CCSER2: variants seen among roughly 807,000 people sequenced by gnomAD.
The protein encoded by CCSER2 is serine-rich coiled-coil domain-containing protein 2.
In CCSER2, 46 loss-of-function variants were observed where a neutral mutation model predicts 92.3. The observed-to-expected ratio is 0.50, with a 90% CI of 0.39 to 0.64. The LOEUF (loss-of-function observed/expected upper bound fraction) is 0.64. CCSER2 is among the 30% of genes least tolerant of loss of function. CCSER2 has a pLI of 0.00. For synonymous variants in CCSER2, 433 were observed against 431.4 expected (o/e 1.00, Z -0.04); for missense variants, 1,244 against 1,238.9 (o/e 1.00, Z -0.06).
chr10:84,384,578 A>G (rs1481212749), intron 3 of CCSER2, among the ~76,000 whole-genome samples: 1 of 152,248 alleles, frequency 6.6e-6, no homozygotes, highest in Non-Finnish European at 1.5e-5. Context: ...GCATCCCTTC[A>G]TGATAAAAAC....
intron 3 of CCSER2, 86 bp downstream of exon 3, chr10:84,373,901 T>G (rs752794852): frequency 3.2e-6 from 5 of 1,566,216 alleles, no homozygotes; most frequent in Non-Finnish European, 3.5e-6. Context: ...GTAAAAAATT[T>G]ATGAATTAAC....
rs1554828778 is a variant in CCSER2 at position 84,332,412 on chromosome 10, T to TTATATA, written c.-40+3624_-40+3629dup. Among the ~76,000 whole-genome samples the TTATATA allele has an allele frequency of 9.1e-4, 75 of 82,260 alleles. 2 individuals carry two copies. The highest frequency in any genetic ancestry group is 2.5e-3 in the Admixed American group (13 of 5,172). The allele number at this position is 82,260 out of a possible 152,430, so 54.0% of individuals were successfully genotyped here. ...ATTTTATATTATTAAATTTATTTTTTTATATATATATATATATATATATAT... is the reference window on the plus strand; with the variant it reads ...ATTTTATATTATTAAATTTATTTTTTTATATATATATATATATATATATATATATAT... On this transcript the variant is annotated intron_variant, in intron 1 of 9. Coordinates refer to ENST00000372088, the MANE Select transcript of CCSER2 (RefSeq NM_001284240.2).
intron 3 of CCSER2, among the ~76,000 whole-genome samples, chr10:84,398,650 A>G (rs974388598): frequency 6.6e-6 from 1 of 152,180 alleles, no homozygotes; most frequent in African/African-American, 2.4e-5. Flanking sequence ...GGTTTGTTCC[A>G]GGGAAGGATA....
intron 9 of CCSER2, among the ~76,000 whole-genome samples, chr10:84,498,039 T>C (rs903832012): frequency 6.6e-6 from 1 of 152,176 alleles, no homozygotes; most frequent in African/African-American, 2.4e-5. Context: ...GGAAAAAAAG[T>C]TTCCCTGATT....
intron 4 of CCSER2, chr10:84,425,333 C>T: frequency 4.9e-6 from 1 of 204,164 alleles, no homozygotes; most frequent in Non-Finnish European, 8.7e-6. Context: ...AATGAGTTCT[C>T]TTAAAAATCT....
chr10:84,360,344 A>G (rs954570345), intron 1 of CCSER2, among the ~76,000 whole-genome samples: 1 of 152,094 alleles, frequency 6.6e-6, no homozygotes, highest in African/African-American at 2.4e-5. Context: ...TGGTTCTTCT[A>G]TAAAGAAGAT....
At chr10:84,487,835 C>G (rs1432173046) in intron 9 of CCSER2, among the ~76,000 whole-genome samples, 1 of 152,212 alleles carries the variant, frequency 6.6e-6, no homozygotes, top group Non-Finnish European at 1.5e-5. Context: ...AAAGGGAATG[C>G]TTCCAGTTTT....
rs7095439 is a variant in CCSER2 at position 84,455,813 on chromosome 10, T to C, written c.2065-8120T>C. The C allele has an allele frequency of 2.7e-3, 2,703 of 990,378 alleles. 53 individuals are homozygous for C. The African/African-American group carries it at 0.037, about 14-fold the overall frequency. 61.3% of individuals were successfully genotyped at this position (990,378 alleles called of 1,614,324 possible). A position where few individuals can be genotyped will look rare whatever the true frequency, so the allele number is the denominator to read the frequency against. On this transcript the variant is annotated intron_variant, in intron 6 of 9. Transcript: ENST00000372088. Reference sequence around the variant, plus strand: ...GATTTTCACAGACTTATCTGACTGATCCCATCCATAATTACTGGTTTTCAC... The same window carrying C: ...GATTTTCACAGACTTATCTGACTGACCCCATCCATAATTACTGGTTTTCAC...
intron 1 of CCSER2, among the ~76,000 whole-genome samples, chr10:84,334,573 A>C (rs1164822988): frequency 6.6e-6 from 1 of 152,058 alleles, no homozygotes; most frequent in Non-Finnish European, 1.5e-5. Context: ...TGAGCACTGA[A>C]GTTTTTTACC....
At chr10:84,385,883 A>AG (rs1295787647) in intron 3 of CCSER2, among the ~76,000 whole-genome samples, 2 of 152,154 alleles carry the variant, frequency 1.3e-5, no homozygotes, top group East Asian at 3.8e-4. Flanking sequence ...GAACTCAACA[A>AG]GAAAAAAAAT....
intron 1 of CCSER2, among the ~76,000 whole-genome samples, chr10:84,357,452 T>TG (rs1845239594): frequency 2.0e-4 from 1 of 5,030 alleles, no homozygotes; most frequent in African/African-American, 4.8e-4. Context: ...TATTTTTGTG[T>TG]TTTTTTTTTT....
chr10:84,471,887 G>A (rs1846824489), intron 8 of CCSER2, among the ~76,000 whole-genome samples: 1 of 151,932 alleles, frequency 6.6e-6, no homozygotes, highest in Non-Finnish European at 1.5e-5. Flanking sequence ...GTTTGAGGAA[G>A]AACATAAGGA....
chr10:84,445,784 A>G (rs1281203289), intron 6 of CCSER2, among the ~76,000 whole-genome samples: 1 of 152,194 alleles, frequency 6.6e-6, no homozygotes, highest in African/African-American at 2.4e-5. Context: ...CATTTTCTGC[A>G]TCATTCTCAT....
At chr10:84,352,551 G>A (rs763344219) in intron 1 of CCSER2, among the ~76,000 whole-genome samples, 14 of 151,902 alleles carry the variant, frequency 9.2e-5, no homozygotes, top group Non-Finnish European at 1.6e-4. Context: ...ATATATAAAA[G>A]TTTGTTGGTA....
chr10:84,376,531 G>A (rs1013879469), intron 3 of CCSER2, among the ~76,000 whole-genome samples: 2 of 152,070 alleles, frequency 1.3e-5, no homozygotes, highest in Non-Finnish European at 2.9e-5. Flanking sequence ...GTATTTGTCA[G>A]TTGTAGTTTC....
chr10:84,498,044 C>T (rs74890801), intron 9 of CCSER2, among the ~76,000 whole-genome samples: 5,948 of 152,256 alleles, frequency 0.039, 154 homozygotes, highest in South Asian at 0.063. Context: ...AAAAGTTTCC[C>T]TGATTCCAAG....
intron 9 of CCSER2, among the ~76,000 whole-genome samples, chr10:84,492,324 C>T (rs1458140814): frequency 1.3e-5 from 2 of 151,548 alleles, no homozygotes; most frequent in Non-Finnish European, 2.9e-5. Context: ...GTATATTGAC[C>T]TTGTATTTTG....
intron 3 of CCSER2, among the ~76,000 whole-genome samples, chr10:84,405,305 A>G (rs541462244): frequency 6.6e-6 from 1 of 152,338 alleles, no homozygotes; most frequent in East Asian, 1.9e-4. Flanking sequence ...CTAAAATTTT[A>G]CATCTTATTC....
At chr10:84,416,437 C>G (rs1394908629) in intron 3 of CCSER2, among the ~76,000 whole-genome samples, 2 of 151,988 alleles carry the variant, frequency 1.3e-5, no homozygotes, top group African/African-American at 2.4e-5. Flanking sequence ...AATTGCATGT[C>G]AAACATTCTG....
Sources: allele counts gnomAD v4.1 joint callset (sites outside exome capture counted in the v4.1 genomes callset), GRCh38; gene constraint gnomAD v4.1.1; transcripts MANE v1.5; gene names NCBI Gene and HGNC (gene_info 2026-07-23, HGNC 2026-07-21).